The following SRRM4 variants were observed in gnomAD, a reference collection of about 807,000 sequenced individuals.
SRRM4 encodes the protein serine/arginine repetitive matrix protein 4.
Under a neutral mutation model 68.9 loss-of-function variants are expected in SRRM4, and 33 were observed. The observed-to-expected ratio is 0.48, with a 90% CI of 0.36 to 0.64. SRRM4 has a LOEUF of 0.64. Ranked by LOEUF, SRRM4 falls within the 30% of genes least tolerant of loss-of-function variation. The pLI is 0.00. For synonymous variants in SRRM4, 318 were observed against 318.8 expected (o/e 1.00, Z 0.03); for missense variants, 817 against 827.1 (o/e 0.99, Z 0.15).
At chr12:119,053,383 T>C (rs1202076919) in intron 1 of SRRM4, among the ~76,000 whole-genome samples, 1 of 152,200 alleles carries the variant, frequency 6.6e-6, no homozygotes, top group East Asian at 1.9e-4. Context: ...AACACATGCA[T>C]AAATGGACAG....
chr12:119,085,206 C>G (rs1953972546), intron 1 of SRRM4, among the ~76,000 whole-genome samples: 2 of 152,194 alleles, frequency 1.3e-5, no homozygotes, highest in South Asian at 4.1e-4. Flanking sequence ...CTGGCCAATG[C>G]CATTTTTTAA....
intron 1 of SRRM4, among the ~76,000 whole-genome samples, chr12:118,982,490 C>T (rs1388578800): frequency 1.3e-5 from 2 of 152,022 alleles, no homozygotes; most frequent in Admixed American, 6.6e-5. Flanking sequence ...TTGACAAAAG[C>T]CCATATGCTG....
chr12:119,073,592 T>C (rs1283316283), intron 1 of SRRM4, among the ~76,000 whole-genome samples: 1 of 152,148 alleles, frequency 6.6e-6, no homozygotes, highest in Non-Finnish European at 1.5e-5. Flanking sequence ...CCCAAAGTTC[T>C]GGGATTCCAG....
chr12:119,147,647 A>T (rs1954412600), intron 9 of SRRM4, among the ~76,000 whole-genome samples: 1 of 152,236 alleles, frequency 6.6e-6, no homozygotes, highest in African/African-American at 2.4e-5. Flanking sequence ...AAAGTTTATT[A>T]ATTATAGATA....
At chr12:119,088,151 G>A (rs1953990967) in intron 1 of SRRM4, among the ~76,000 whole-genome samples, 1 of 152,106 alleles carries the variant, frequency 6.6e-6, no homozygotes, top group Admixed American at 6.5e-5. Flanking sequence ...GGGGGATTAT[G>A]GGCCACATTG....
chr12:119,154,888 G>C lies in SRRM4; in HGVS notation c.1532+505G>C, dbSNP rs1428225295. ...AACCAAGTGTGGAAAGGACAAACAG[G>C]ATTGCTTAGTTCCCAAAGGGACCTA... On this transcript the variant is annotated intron_variant, in intron 12 of 12. Transcript: ENST00000267260. This position sits in a 1 kb window ranked among gnomAD's most constrained non-coding sequence, Gnocchi z 4.7. Among the ~76,000 whole-genome samples, 1 of 152,184 alleles carries C rather than the reference G, an allele frequency of 6.6e-6. No homozygotes were observed. Among genetic ancestry groups the C allele is most frequent in the Non-Finnish European group, 1.5e-5 (1 of 68,040 alleles).
At position 119,023,148 on chromosome 12, in the gene SRRM4, C is replaced by A. The variant is rs975530969; in HGVS notation, c.131+41135C>A. On this transcript the variant is annotated intron_variant, in intron 1 of 12. Coordinates refer to ENST00000267260, the MANE Select transcript of SRRM4 (RefSeq NM_194286.4). Reference sequence around the variant, plus strand: ...TCCTCTGATGAGGTACACTGTCTTTCCCCCAATCCAAATGCTTGAACAGGA... The same window carrying A: ...TCCTCTGATGAGGTACACTGTCTTTACCCCAATCCAAATGCTTGAACAGGA... 2.6e-5 allele frequency among the ~76,000 whole-genome samples: 4 copies of A among 152,286 alleles called. No individual in the cohort carries two copies. The East Asian group carries it at 7.7e-4, about 29-fold the overall frequency.
At position 119,156,866 on chromosome 12, in the gene SRRM4, C is replaced by T; in HGVS notation, c.*68C>T. ...CAGCCTCCCCCAACCACCTGCCCTC[C>T]CCGCCTTCTTGGTGACAAATAGTGA... On this transcript the variant is annotated 3_prime_UTR_variant, in exon 13 of 13. Coordinates refer to ENST00000267260, the MANE Select transcript of SRRM4 (RefSeq NM_194286.4). The T allele has an allele frequency of 6.9e-7, 1 of 1,456,144 alleles. No homozygotes were observed. The highest frequency in any genetic ancestry group is 1.4e-5 in the African/African-American group (1 of 70,634). The allele number at this position is 1,456,144 out of a possible 1,614,324, so 90.2% of individuals were successfully genotyped here.
intron 2 of SRRM4, among the ~76,000 whole-genome samples, chr12:119,109,078 T>C (rs973996099): frequency 9.2e-5 from 14 of 152,212 alleles, no homozygotes; most frequent in Non-Finnish European, 2.1e-4. Context: ...CCTTCACTTA[T>C]GAAGCCTAGT....
At chr12:119,138,454 CT>C (rs756980703) in intron 8 of SRRM4, among the ~76,000 whole-genome samples, 10 of 152,156 alleles carry the variant, frequency 6.6e-5, no homozygotes, top group Non-Finnish European at 8.8e-5. Flanking sequence ...CCTATTTTCT[CT>C]GCCTGTTTGG....
At chr12:119,065,814 T>C (rs1050009191) in intron 1 of SRRM4, among the ~76,000 whole-genome samples, 6 of 152,006 alleles carry the variant, frequency 3.9e-5, no homozygotes, top group Admixed American at 3.9e-4. Context: ...GATGGATGGA[T>C]GGATGGACAG....
chr12:119,112,182 C>T (rs1005294711), intron 2 of SRRM4, among the ~76,000 whole-genome samples: 3 of 152,120 alleles, frequency 2.0e-5, no homozygotes, highest in Non-Finnish European at 4.4e-5. Flanking sequence ...GTACTTAATT[C>T]CTGTGATACT....
At chr12:119,053,109 A>G (rs1445979747) in intron 1 of SRRM4, among the ~76,000 whole-genome samples, 3 of 152,310 alleles carry the variant, frequency 2.0e-5, no homozygotes, top group African/African-American at 7.2e-5. Flanking sequence ...AACACCTCTC[A>G]ACACTTGCTA....
chr12:119,104,518 C>A (rs1263518847), intron 2 of SRRM4, among the ~76,000 whole-genome samples: 1 of 150,558 alleles, frequency 6.6e-6, no homozygotes, highest in Non-Finnish European at 1.5e-5. Context: ...TAACAGAAAC[C>A]CCTTATACTG....
intron 3 of SRRM4, among the ~76,000 whole-genome samples, chr12:119,116,134 G>A (rs1209001355): frequency 3.3e-5 from 5 of 152,256 alleles, no homozygotes; most frequent in African/African-American, 1.2e-4. Context: ...GGCCCTGTTA[G>A]CATTGAATTT....
At chr12:119,080,585 A>G (rs1219858036) in intron 1 of SRRM4, among the ~76,000 whole-genome samples, 1 of 152,140 alleles carries the variant, frequency 6.6e-6, no homozygotes, top group Non-Finnish European at 1.5e-5. Flanking sequence ...CTCTCCCACC[A>G]TGTGGCTCCT....
intron 8 of SRRM4, among the ~76,000 whole-genome samples, chr12:119,138,839 C>A (rs1954346856): frequency 6.6e-6 from 1 of 151,966 alleles, no homozygotes; most frequent in Admixed American, 6.6e-5. Context: ...CATGCCATAC[C>A]CCGAAAGTAG....
At chr12:118,998,268 C>CAAAAAAAAAAAAAAAAAA (rs35250419) in intron 1 of SRRM4, among the ~76,000 whole-genome samples, 5 of 36,582 alleles carry the variant, frequency 1.4e-4, no homozygotes, top group African/African-American at 4.7e-4. Context: ...AGCAATATGG[C>CAAAAAAAAAAAAAAAAAA]AAAAAAAAAA....
At chr12:119,131,991 G>T (rs1461658833) in intron 8 of SRRM4, among the ~76,000 whole-genome samples, 1 of 152,186 alleles carries the variant, frequency 6.6e-6, no homozygotes, top group Non-Finnish European at 1.5e-5. Flanking sequence ...GTTGGGCCTG[G>T]TTGACACAAT....
Sources: allele counts gnomAD v4.1 joint callset (sites outside exome capture counted in the v4.1 genomes callset), GRCh38; gene constraint gnomAD v4.1.1; non-coding constraint Gnocchi (gnomAD v3.1); transcripts MANE v1.5; gene names NCBI Gene and HGNC (gene_info 2026-07-23, HGNC 2026-07-21).